TENM1: variants seen among roughly 807,000 people sequenced by gnomAD.
TENM1 encodes teneurin transmembrane protein 1.
In TENM1, 35 loss-of-function variants were observed where a neutral mutation model predicts 174.8. The ratio of observed to expected loss-of-function variants is 0.20; its 90% confidence interval spans 0.15 to 0.27. The LOEUF (loss-of-function observed/expected upper bound fraction) is 0.27. Among genes scored for constraint, TENM1 ranks in the 10% least tolerant of loss-of-function variants. The probability of loss-of-function intolerance (pLI) is 1.00; values close to 1 mark genes in which losing one functional copy is unlikely to be tolerated. For missense variants in TENM1, 1,633 were observed against 2,130.1 expected (o/e 0.77, Z 4.59); for synonymous variants, 781 against 798.7 (o/e 0.98, Z 0.37).
At position 124,379,308 on chromosome X, in the gene TENM1, C is replaced by T. The variant is rs199823021; in HGVS notation, c.*1228G>A. 2.7e-5 allele frequency: 3 copies of T among 112,288 alleles called. No individual in the cohort carries two copies. In the East Asian group the frequency reaches 8.4e-4, roughly 32 times the overall value. The allele number at this position is 112,288 out of a possible 1,213,427, so 9.3% of individuals were successfully genotyped here. A position where few individuals can be genotyped will look rare whatever the true frequency, so the allele number is the denominator to read the frequency against. On this transcript the variant is annotated 3_prime_UTR_variant, in exon 32 of 32. Coordinates refer to ENST00000422452, the Ensembl canonical transcript of TENM1. ...AATTATTTTAGTAAAAATGAGTCTG[C>T]CTCTCTATAGTTAGTTGAAATGTTT...
chrX:125,200,630 C>CGT, the TENM1 span, among the ~76,000 whole-genome samples: 1,358 of 92,244 alleles, frequency 0.015, 12 homozygotes, highest in South Asian at 0.038. Context: ...CAATTGCTTC[C>CGT]GTGTGTGTGT....
chrX:124,760,655 ACACAAAAAG>A (rs1462857731), intron 3 of TENM1, among the ~76,000 whole-genome samples: 1 of 112,233 alleles, frequency 8.9e-6, no homozygotes, highest in Non-Finnish European at 1.9e-5. Flanking sequence ...CATGACTAAA[ACACAAAAAG>A]CAATGGCAAC....
In TENM1 at chrX:124,434,792, GTACATGATGCTACT is replaced by G. The variant is rs1037529293; in HGVS notation, c.4105-12168_4105-12155del. 1.2e-4 allele frequency among the ~76,000 whole-genome samples: 13 copies of G among 111,940 alleles called. No individual in the cohort carries two copies. In the South Asian group the frequency reaches 4.6e-3, roughly 39 times the overall value. ...ATTGTTATTGTAAGGAGAACATATT[GTACATGATGCTACT>G]TACATGATGCTACTTGCCGATTTAC... On this transcript the variant is annotated intron_variant, in intron 23 of 31. Transcript: ENST00000422452.
chrX:124,753,722 C>T (rs1326842071), intron 3 of TENM1, among the ~76,000 whole-genome samples: 4 of 111,401 alleles, frequency 3.6e-5, no homozygotes, highest in African/African-American at 1.3e-4. Context: ...TTGTCAAACG[C>T]CTTTTCTGCA....
At chrX:124,604,873 T>C (rs1390299526) in intron 11 of TENM1, among the ~76,000 whole-genome samples, 2 of 109,920 alleles carry the variant, frequency 1.8e-5, no homozygotes, top group Admixed American at 2.0e-4. Flanking sequence ...AGGAGATACT[T>C]CTTAGAAGCG....
intron 6 of TENM1, among the ~76,000 whole-genome samples, chrX:124,655,614 A>C (rs755370569): frequency 8.9e-6 from 1 of 112,534 alleles, no homozygotes; most frequent in East Asian, 2.8e-4. Context: ...GGCTTTATTC[A>C]GTGGCCAATG....
the TENM1 span, among the ~76,000 whole-genome samples, chrX:125,159,897 T>G: frequency 9.0e-6 from 1 of 111,389 alleles, no homozygotes; most frequent in Admixed American, 9.5e-5. Context: ...AGGAAACAGT[T>G]CAGTCAAAAA....
chrX:124,963,343 T>A lies in TENM1; in HGVS notation c.217+194A>T, dbSNP rs949711638. Among the ~76,000 whole-genome samples the A allele has an allele frequency of 5.3e-5, 6 of 112,704 alleles. No homozygotes were observed. The Admixed American group carries it at 5.6e-4, about 11-fold the overall frequency. On this transcript the variant is annotated intron_variant, in intron 1 of 31. Coordinates refer to ENST00000422452, the Ensembl canonical transcript of TENM1. ...GGACTGCAGCATCCAAATTCATGCA[T>A]AATCCATAAAAAGCACATGTAACCT...
chrX:124,684,765 C>T (rs148720213), intron 5 of TENM1, among the ~76,000 whole-genome samples: 234 of 111,839 alleles, frequency 2.1e-3, no homozygotes, highest in African/African-American at 7.0e-3. Context: ...ACAAGGATGG[C>T]CCTTATAGCC....
At chrX:124,805,804 G>A (rs995739391) in intron 3 of TENM1, among the ~76,000 whole-genome samples, 1 of 112,813 alleles carries the variant, frequency 8.9e-6, no homozygotes. Context: ...TGGAGTCTCC[G>A]GAAGGGCTTA....
At chrX:124,531,508 C>A (rs981081062) in intron 15 of TENM1, among the ~76,000 whole-genome samples, 1 of 112,091 alleles carries the variant, frequency 8.9e-6, no homozygotes, top group Non-Finnish European at 1.9e-5. Flanking sequence ...GCTTTCCCAA[C>A]AAAAGTTACA....
At chrX:124,878,495 C>T (rs1175074669) in intron 3 of TENM1, among the ~76,000 whole-genome samples, 1 of 108,995 alleles carries the variant, frequency 9.2e-6, no homozygotes, top group African/African-American at 3.4e-5. Flanking sequence ...GCTTGGTGCC[C>T]TCCCGGTGGT....
At chrX:124,994,103 A>G in the TENM1 span, among the ~76,000 whole-genome samples, 1 of 110,286 alleles carries the variant, frequency 9.1e-6, no homozygotes, top group African/African-American at 3.3e-5. Flanking sequence ...GGCAGGGTCT[A>G]CTGTAATCAT....
intron 23 of TENM1, among the ~76,000 whole-genome samples, chrX:124,426,144 T>C (rs2060714048): frequency 9.1e-6 from 1 of 110,092 alleles, no homozygotes; most frequent in Admixed American, 9.7e-5. Flanking sequence ...CAGGAGTTGA[T>C]TCAATGCCTA....
chrX:125,110,095 T>C, the TENM1 span, among the ~76,000 whole-genome samples: 2 of 111,957 alleles, frequency 1.8e-5, no homozygotes, highest in Admixed American at 9.5e-5. Context: ...ACTTTCTATG[T>C]ACCAGTCACT....
At position 124,731,506 on chromosome X, in the gene TENM1, T is replaced by C. The variant is rs184674583; in HGVS notation, c.776+5451A>G. ...GTTGCTAAAGTTTTAGCAACTGTAG[T>C]GTGGTTGAAGTGTGACAGGAGACTA... On this transcript the variant is annotated intron_variant, in intron 4 of 31. Transcript: ENST00000422452. 8.9e-5 allele frequency among the ~76,000 whole-genome samples: 10 copies of C among 111,777 alleles called. No homozygotes were observed. The East Asian group carries it at 2.8e-3, about 31-fold the overall frequency.
intron 3 of TENM1, among the ~76,000 whole-genome samples, chrX:124,790,423 G>T (rs970275173): frequency 7.2e-5 from 8 of 111,845 alleles, no homozygotes; most frequent in Non-Finnish European, 1.5e-4. Flanking sequence ...TTTGTATGGC[G>T]CTTTATACTT....
the TENM1 span, among the ~76,000 whole-genome samples, chrX:124,993,606 T>C: frequency 4.5e-5 from 5 of 110,264 alleles, no homozygotes; most frequent in Non-Finnish European, 7.6e-5. Flanking sequence ...CAACTGAGGA[T>C]GAGAGGAAGC....
chrX:124,802,618 C>A (rs1241922169), intron 3 of TENM1, among the ~76,000 whole-genome samples: 1 of 111,559 alleles, frequency 9.0e-6, no homozygotes, highest in Non-Finnish European at 1.9e-5. Flanking sequence ...GTGGGTCACA[C>A]CAGCCGCCTA....
Sources: allele counts gnomAD v4.1 joint callset (sites outside exome capture counted in the v4.1 genomes callset), GRCh38; gene constraint gnomAD v4.1.1; transcripts MANE v1.5; gene names NCBI Gene and HGNC (gene_info 2026-07-23, HGNC 2026-07-21).